Variants in SMC6 observed in about 807,000 individuals in gnomAD.
The protein encoded by SMC6 is structural maintenance of chromosomes protein 6.
SMC6 carries 79 observed loss-of-function variants against 142.2 expected under a neutral mutation model. That is an observed-to-expected ratio of 0.56 (90% CI 0.46 to 0.67). The LOEUF is 0.67. Ranked by LOEUF, SMC6 falls within the 30% of genes least tolerant of loss-of-function variation. SMC6 has a pLI of 0.00. For missense variants in SMC6, 1,072 were observed against 1,284.0 expected (o/e 0.83, Z 2.52); for synonymous variants, 411 against 412.4 (o/e 1.00, Z 0.04).
At position 17,726,380 on chromosome 2, in the gene SMC6, G is replaced by T. The variant is rs766617181; in HGVS notation, c.624+9C>A. ...TAAATGGGTTTATATTTACTTTGGT[G>T]CCACTTACTTTGTATTTGTCTCCTT... is the stretch of plus-strand genomic sequence containing the variant. On this transcript the variant is annotated intron_variant, in intron 8 of 27. Coordinates refer to ENST00000448223, the MANE Select transcript of SMC6 (RefSeq NM_001142286.2). The T allele has an allele frequency of 6.2e-7, 1 of 1,600,974 alleles. No individual in the cohort carries two copies. Among genetic ancestry groups the T allele is most frequent in the South Asian group, 1.1e-5 (1 of 89,604 alleles).
At chr2:17,695,981 C>T (rs1311038555) in intron 22 of SMC6, among the ~76,000 whole-genome samples, 2 of 152,126 alleles carry the variant, frequency 1.3e-5, no homozygotes, top group Non-Finnish European at 2.9e-5. Flanking sequence ...GTGCCTTTTC[C>T]GGACACTCAA....
At chr2:17,669,834 T>C (rs1457095426) in intron 26 of SMC6, among the ~76,000 whole-genome samples, 1 of 152,222 alleles carries the variant, frequency 6.6e-6, no homozygotes, top group Non-Finnish European at 1.5e-5. Context: ...AAGACACCAT[T>C]TGAGCCTCAC....
At position 17,718,133 on chromosome 2, in the gene SMC6, A is replaced by G. The variant is rs753582610; in HGVS notation, c.1036T>C (p.Cys346Arg). ...ACAACATCTGCTTTCAATGCCATAC[A>G]TTCTGGTGCTCGTGCATTTGTCTCT... The part of the protein sequence containing the change: ...SEETNARAPE[C>R]MALKADVVAK... The change falls in exon 12 of 28, where the codon TGT becomes CGT. Residue 346 changes from cysteine (C) to arginine (R), a missense_variant. Physicochemically the swap from Cys to Arg is radical, Grantham distance 180 (BLOSUM62 -3). Transcript: ENST00000448223. The G allele has an allele frequency of 7.4e-6, 12 of 1,611,806 alleles. No individual in the cohort carries two copies. The highest frequency in any genetic ancestry group is 1.7e-4 in the Middle Eastern group (1 of 6,050).
chr2:17,715,336 C>A (rs879824330), intron 15 of SMC6, among the ~76,000 whole-genome samples: 3 of 151,832 alleles, frequency 2.0e-5, no homozygotes, highest in African/African-American at 4.8e-5. Flanking sequence ...AAAATTGTCC[C>A]ACTCTAATGT....
At chr2:17,730,603 C>A (rs1572342496) in intron 7 of SMC6, among the ~76,000 whole-genome samples, 1 of 134,698 alleles carries the variant, frequency 7.4e-6, no homozygotes, top group African/African-American at 2.8e-5. Flanking sequence ...TTAATAAATT[C>A]TTTTTTTTTT....
intron 23 of SMC6, among the ~76,000 whole-genome samples, chr2:17,690,397 T>C (rs936204636): frequency 1.3e-5 from 2 of 152,080 alleles, no homozygotes; most frequent in Non-Finnish European, 2.9e-5. Flanking sequence ...GTTCGAGACC[T>C]GCCTGGTCAA....
chr2:17,691,088 T>C (rs1375881301), intron 23 of SMC6, among the ~76,000 whole-genome samples: 1 of 151,344 alleles, frequency 6.6e-6, no homozygotes, highest in African/African-American at 2.4e-5. Context: ...AGTGAAATTA[T>C]AAAAGACAAT....
rs151148355 is a variant in SMC6, at chr2:17,741,306, C to A, written c.238+306G>T. The stretch of plus-strand genomic sequence containing the variant: ...TTACAATGTTTAGTAAGGCAAGACA[C>A]AAGGCTGCCTCAATTGCAATGAGGA... On this transcript the variant is annotated intron_variant, in intron 4 of 27. Coordinates refer to ENST00000448223, the MANE Select transcript of SMC6 (RefSeq NM_001142286.2). 3.3e-5 allele frequency among the ~76,000 whole-genome samples: 5 copies of A among 152,330 alleles called. No individual in the cohort carries two copies. The East Asian group carries it at 5.8e-4, about 18-fold the overall frequency.
intron 11 of SMC6, 106 bp downstream of exon 11, chr2:17,720,834 C>A: frequency 2.1e-6 from 2 of 955,976 alleles, no homozygotes; most frequent in South Asian, 1.6e-5. Flanking sequence ...CAAATATAGA[C>A]AAATATACTG....
At position 17,717,264 on chromosome 2, in the gene SMC6, A is replaced by C; in HGVS notation, c.1093-88T>G. The C allele has an allele frequency of 3.6e-6, 3 of 833,136 alleles. No homozygotes were observed. In the South Asian group the frequency reaches 5.0e-5, roughly 14 times the overall value. 51.6% of individuals were successfully genotyped at this position (833,136 alleles called of 1,614,324 possible). A position where few individuals can be genotyped will look rare whatever the true frequency, so the allele number is the denominator to read the frequency against. The stretch of plus-strand genomic sequence containing the variant: ...CTTTTGTCAAATCTTCAGAGGCTGA[A>C]TATATACAGGAATATATTTTTTAAA... On this transcript the variant is annotated intron_variant, in intron 12 of 27. Transcript: ENST00000448223.
intron 23 of SMC6, among the ~76,000 whole-genome samples, chr2:17,687,280 G>A (rs1558334293): frequency 6.6e-6 from 1 of 152,154 alleles, no homozygotes; most frequent in Non-Finnish European, 1.5e-5. Flanking sequence ...ATGTGTGCGT[G>A]CATGTGCAAG....
chr2:17,746,250 G>A (rs918200912), intron 2 of SMC6: 18 of 223,190 alleles, frequency 8.1e-5, no homozygotes, highest in Admixed American at 2.7e-4. Flanking sequence ...CCACAGAAGC[G>A]TAAGATAGTA....
At chr2:17,666,749 G>A (rs1285259932) in intron 26 of SMC6, among the ~76,000 whole-genome samples, 2 of 152,036 alleles carry the variant, frequency 1.3e-5, no homozygotes, top group Non-Finnish European at 2.9e-5. Flanking sequence ...TTGAGAGGTG[G>A]AGGTCACAGG....
chr2:17,669,087 C>T (rs1666637264), intron 26 of SMC6, among the ~76,000 whole-genome samples: 1 of 151,970 alleles, frequency 6.6e-6, no homozygotes, highest in Admixed American at 6.6e-5. Flanking sequence ...AGGGCAGAGA[C>T]CAAAGAGCGG....
intron 25 of SMC6, among the ~76,000 whole-genome samples, chr2:17,671,541 A>G (rs1290547922): frequency 6.7e-6 from 1 of 148,592 alleles, no homozygotes; most frequent in East Asian, 2.0e-4. Flanking sequence ...CCTGGGAGAC[A>G]GAGGTTGCAG....
chr2:17,731,702 T>C, intron 6 of SMC6, 39 bp downstream of exon 6: 2 of 1,585,080 alleles, frequency 1.3e-6, no homozygotes, highest in East Asian at 2.2e-5. Context: ...GAGTATTTCC[T>C]AATATTTTAT....
chr2:17,701,763 T>C, intron 20 of SMC6, 66 bp downstream of exon 20: 1 of 923,380 alleles, frequency 1.1e-6, no homozygotes. Flanking sequence ...GCTGAGTTGA[T>C]GCCATTAACC....
At chr2:17,705,575 C>CA (rs1225378000) in intron 18 of SMC6, among the ~76,000 whole-genome samples, 5 of 151,672 alleles carry the variant, frequency 3.3e-5, no homozygotes, top group Non-Finnish European at 7.4e-5. Flanking sequence ...CTCAAAAAAA[C>CA]AAAAAAAATT....
At chr2:17,687,955 G>A (rs528900019) in intron 23 of SMC6, among the ~76,000 whole-genome samples, 30 of 152,094 alleles carry the variant, frequency 2.0e-4, no homozygotes, top group Non-Finnish European at 3.5e-4. Flanking sequence ...TTTTCTTTCT[G>A]TAGATATATA....
Sources: allele counts gnomAD v4.1 joint callset (sites outside exome capture counted in the v4.1 genomes callset), GRCh38; gene constraint gnomAD v4.1.1; transcripts MANE v1.5; gene names NCBI Gene and HGNC (gene_info 2026-07-23, HGNC 2026-07-21).